Variants in STON2 observed in about 807,000 individuals in gnomAD.
The protein encoded by STON2 is stonin-2.
A neutral mutation model predicts 65.7 loss-of-function variants in STON2; 29 were observed. The ratio of observed to expected loss-of-function variants is 0.44; its 90% CI spans 0.33 to 0.60. The LOEUF (loss-of-function observed/expected upper bound fraction) is 0.60, where lower values mean the gene tolerates loss of function less well. Ranked by LOEUF, STON2 falls within the 20% of genes least tolerant of loss-of-function variation. The probability of loss-of-function intolerance (pLI) is 0.03; values close to 1 mark genes in which losing one functional copy is unlikely to be tolerated. For synonymous variants in STON2, 404 were observed against 414.2 expected, an observed-to-expected ratio of 0.98 and a Z score of 0.30; for missense variants, 1,054 against 1,118.1, an observed-to-expected ratio of 0.94 and a Z score of 0.82.
chr14:81,314,951 C>T (rs913353155), intron 5 of STON2, among the ~76,000 whole-genome samples: 7 of 151,998 alleles, frequency 4.6e-5, no homozygotes, highest in Non-Finnish European at 7.4e-5. Flanking sequence ...CTTTAGGAGT[C>T]CTCCCACCTC....
At position 81,261,969 on chromosome 14, in the gene STON2, G is replaced by C; in HGVS notation, c.*6445C>G. ...TAAAAAAAAAAAAAAAAAAGAGAGA[G>C]ATGTGAAAAGGAAAAAGATGGACCA... is the stretch of plus-strand genomic sequence containing the variant. On this transcript the variant is annotated 3_prime_UTR_variant, in exon 8 of 8. Transcript: ENST00000614646. 2 of 1,392,004 alleles carry C rather than the reference G, an allele frequency of 1.4e-6. No individual in the cohort carries two copies. Among genetic ancestry groups the C allele is most frequent in the Non-Finnish European group, 1.9e-6 (2 of 1,067,848 alleles). 86.2% of individuals were successfully genotyped at this position (1,392,004 alleles called of 1,614,324 possible).
chr14:81,328,505 A>C (rs1008857231), intron 4 of STON2, among the ~76,000 whole-genome samples: 1 of 152,212 alleles, frequency 6.6e-6, no homozygotes, highest in African/African-American at 2.4e-5. Flanking sequence ...AAGATGTACC[A>C]GCATTGCTAT....
chr14:81,366,745 CT>C (rs765855295), intron 4 of STON2, among the ~76,000 whole-genome samples: 1 of 152,082 alleles, frequency 6.6e-6, no homozygotes, highest in Non-Finnish European at 1.5e-5. Flanking sequence ...TGAGTAACAG[CT>C]TTCTTTGGGG....
In STON2 at chr14:81,270,446, G is replaced by A. The variant is rs1184238916; in HGVS notation, c.2784+224C>T. 7 of 1,461,430 alleles carry A rather than the reference G, an allele frequency of 4.8e-6. No individual in the cohort carries two copies. In the Admixed American group the frequency reaches 1.1e-4, roughly 23 times the overall value. 90.5% of individuals were successfully genotyped at this position (1,461,430 alleles called of 1,614,324 possible). A position where few individuals can be genotyped will look rare whatever the true frequency, so the allele number is the denominator to read the frequency against. ...AGAAAGACATTATATTCTCCTCTTT[G>A]ATGAGCCTCTTTATTTTTTTCCAAC... On this transcript the variant is annotated intron_variant, in intron 7 of 7. Coordinates refer to ENST00000614646, the MANE Select transcript of STON2 (RefSeq NM_001394390.1).
chr14:81,279,968 A>C (rs1895040781), intron 5 of STON2, among the ~76,000 whole-genome samples: 2 of 152,218 alleles, frequency 1.3e-5, no homozygotes, highest in Admixed American at 1.3e-4. Context: ...TAATAGGGAA[A>C]AATATTTTAA....
At chr14:81,330,662 G>GCATT (rs1897179216) in intron 4 of STON2, among the ~76,000 whole-genome samples, 1 of 152,118 alleles carries the variant, frequency 6.6e-6, no homozygotes, top group African/African-American at 2.4e-5. Context: ...CACCCACACT[G>GCATT]CATTCCAACA....
chr14:81,373,582 A>C (rs1899104862), intron 3 of STON2, among the ~76,000 whole-genome samples: 1 of 152,178 alleles, frequency 6.6e-6, no homozygotes, highest in Non-Finnish European at 1.5e-5. Flanking sequence ...GCAACCCCAA[A>C]AGAGTAAACA....
rs1420400505 is a variant in STON2 at position 81,264,219 on chromosome 14, CA to C, written c.*4194del. 10 of 985,292 alleles carry C rather than the reference CA, an allele frequency of 1.0e-5. No homozygotes were observed. Among genetic ancestry groups the C allele is most frequent in the Non-Finnish European group, 1.2e-5 (10 of 829,930 alleles). The allele number at this position is 985,292 out of a possible 1,614,324, so 61.0% of individuals were successfully genotyped here. ...AATGTGAATGAGGTACATTGTAGTTCAAATTCAGCAGCATATTAAGTGCCTA... is the reference window on the plus strand; with the variant it reads ...AATGTGAATGAGGTACATTGTAGTTCAATTCAGCAGCATATTAAGTGCCTA... On this transcript the variant is annotated 3_prime_UTR_variant, in exon 8 of 8. Transcript: ENST00000614646.
intron 4 of STON2, among the ~76,000 whole-genome samples, chr14:81,333,598 G>A (rs545693378): frequency 6.6e-5 from 10 of 152,178 alleles, no homozygotes; most frequent in Middle Eastern, 3.4e-3. Flanking sequence ...GCTGTTAACC[G>A]TAACACTGCA....
chr14:81,396,097 T>C lies in STON2; in HGVS notation c.170A>G (p.Asp57Gly). 6.2e-7 allele frequency: 1 copy of C among 1,614,104 alleles called. No individual in the cohort carries two copies. The highest frequency in any genetic ancestry group is 8.5e-7 in the Non-Finnish European group (1 of 1,179,994). ...ESSSGENHVV[D>G]GGSQDHSHSE... The stretch of plus-strand genomic sequence containing the variant: ...GTGGGAATGGTCTTGAGAGCCTCCA[T>C]CCACCACATGGTTCTCCCCGGAGGA... The change falls in exon 3 of 8, where the codon GAT (aspartate) becomes GGT (glycine). Residue 57 changes from aspartate to glycine, a missense_variant. Physicochemically the swap from Asp to Gly is moderately conservative, Grantham distance 94 (BLOSUM62 -1). Coordinates refer to ENST00000614646, the MANE Select transcript of STON2 (RefSeq NM_001394390.1).
intron 6 of STON2, among the ~76,000 whole-genome samples, chr14:81,271,789 A>T (rs562861981): frequency 7.1e-4 from 108 of 152,320 alleles, no homozygotes; most frequent in African/African-American, 2.3e-3. Context: ...GCCATACAGG[A>T]AACATTGAAG....
chr14:81,398,593 C>A lies in STON2; in HGVS notation c.-198-13G>T, dbSNP rs139702909. 428 of 476,476 alleles carry A rather than the reference C, an allele frequency of 9.0e-4. No individual in the cohort carries two copies. Among genetic ancestry groups the A allele is most frequent in the African/African-American group, 7.7e-3 (388 of 50,590 alleles). The allele number at this position is 476,476 out of a possible 1,614,324, so 29.5% of individuals were successfully genotyped here. On this transcript the variant is annotated splice_polypyrimidine_tract_variant and intron_variant, in intron 1 of 7. Coordinates refer to ENST00000614646, the MANE Select transcript of STON2 (RefSeq NM_001394390.1). ...GCCAGGCAGAAATCTGTTTAACAAA[C>A]AAACAAACAAAAAATTAAAAAGGAT...
intron 7 of STON2, chr14:81,269,884 TA>T: frequency 2.0e-6 from 2 of 985,402 alleles, no homozygotes; most frequent in South Asian, 9.4e-5. Flanking sequence ...GTTACTATTA[TA>T]AACATTTGCT....
Position 81,278,404 on chromosome 14 carries a change from CA to C in STON2, c.1077del (p.Val360Ter). The C allele has an allele frequency of 6.2e-7, 1 of 1,614,222 alleles. No homozygotes were observed. ...GCCCTCCAAGGTGAAGCCTCAGTTA[CA>C]GAAGGCGTGCGGTTTAAAGAGGAAA... ...LDISSLNRTP[S>X]VTEASPWRAT... On this transcript the variant is annotated frameshift_variant, in exon 6 of 8. Coordinates refer to ENST00000614646, the MANE Select transcript of STON2 (RefSeq NM_001394390.1). LOFTEE classifies it high-confidence loss of function.
At chr14:81,358,848 T>C (rs1307874792) in intron 4 of STON2, among the ~76,000 whole-genome samples, 3 of 152,168 alleles carry the variant, frequency 2.0e-5, no homozygotes, top group Non-Finnish European at 4.4e-5. Context: ...ACAATGATTA[T>C]AAATACATAA....
chr14:81,312,319 C>T (rs755898502), intron 5 of STON2, among the ~76,000 whole-genome samples: 2 of 152,148 alleles, frequency 1.3e-5, no homozygotes, highest in Non-Finnish European at 2.9e-5. Flanking sequence ...TGACTTTGGC[C>T]ATTAAAGCTA....
Position 81,392,271 on chromosome 14 carries a change from G to T in STON2, c.373+3623C>A, listed in dbSNP as rs376583122. ...TGTGCACTGGGGTGGAGCTGCGGAAGTTTGTGCCACTTGCAGCAGGGAAGA... is the reference window on the plus strand; with the variant it reads ...TGTGCACTGGGGTGGAGCTGCGGAATTTTGTGCCACTTGCAGCAGGGAAGA... On this transcript the variant is annotated intron_variant, in intron 3 of 7. Coordinates refer to ENST00000614646, the MANE Select transcript of STON2 (RefSeq NM_001394390.1). Among the ~76,000 whole-genome samples, 14 of 152,298 alleles carry T rather than the reference G, an allele frequency of 9.2e-5. No individual in the cohort carries two copies. The East Asian group carries it at 2.3e-3, about 25-fold the overall frequency.
chr14:81,316,098 A>G (rs549326707), intron 5 of STON2, among the ~76,000 whole-genome samples: 1 of 152,354 alleles, frequency 6.6e-6, no homozygotes, highest in African/African-American at 2.4e-5. Context: ...ACGTTGTTTA[A>G]CTACACAAAT....
intron 4 of STON2, among the ~76,000 whole-genome samples, chr14:81,340,017 G>A (rs1276931990): frequency 1.3e-5 from 2 of 152,174 alleles, no homozygotes; most frequent in Admixed American, 6.5e-5. Context: ...AGCCGGGCGT[G>A]GTGGCGGGCG....
Sources: allele counts gnomAD v4.1 joint callset (sites outside exome capture counted in the v4.1 genomes callset), GRCh38; gene constraint gnomAD v4.1.1; transcripts MANE v1.5; gene names NCBI Gene and HGNC (gene_info 2026-07-23, HGNC 2026-07-21).